Variants in KCNH1 observed in about 807,000 individuals in gnomAD.
KCNH1 encodes voltage-gated delayed rectifier potassium channel KCNH1.
KCNH1 carries 27 observed loss-of-function variants against 69.2 expected under a neutral mutation model. That is an observed-to-expected ratio of 0.39 (90% CI 0.29 to 0.54). KCNH1 has a LOEUF of 0.54. Among genes scored for constraint, KCNH1 ranks in the 20% least tolerant of loss-of-function variants. The probability of loss-of-function intolerance (pLI) is 0.68; values close to 1 mark genes in which losing one functional copy is unlikely to be tolerated. For missense variants in KCNH1, 798 were observed against 1,261.6 expected (o/e 0.63, Z 5.57); for synonymous variants, 456 against 487.7 (o/e 0.93, Z 0.86).
At chr1:211,122,220 GA>G (rs1691700565) in intron 1 of KCNH1, among the ~76,000 whole-genome samples, 1 of 151,684 alleles carries the variant, frequency 6.6e-6, no homozygotes, top group Non-Finnish European at 1.5e-5. Context: ...ACAAACATAT[GA>G]AAAAAACTCA....
At chr1:211,025,983 C>A (rs947758846) in intron 5 of KCNH1, among the ~76,000 whole-genome samples, 54 of 152,252 alleles carry the variant, frequency 3.5e-4, no homozygotes, top group African/African-American at 1.2e-3. Flanking sequence ...GCCTTTGCAG[C>A]CTCCATAACT....
At chr1:210,859,679 T>A in intron 7 of KCNH1, 1 of 1,288,158 alleles carries the variant, frequency 7.8e-7, no homozygotes, top group Non-Finnish European at 1.1e-6. Context: ...TTTAATCCAT[T>A]AAATAAAAGG....
intron 1 of KCNH1, among the ~76,000 whole-genome samples, chr1:211,128,080 G>A (rs1691813630): frequency 6.6e-6 from 1 of 152,038 alleles, no homozygotes; most frequent in Non-Finnish European, 1.5e-5. Flanking sequence ...CACAAGGTCA[G>A]GAGTTCAAGA....
chr1:210,709,342 G>A (rs1681995542), intron 10 of KCNH1, among the ~76,000 whole-genome samples: 1 of 152,164 alleles, frequency 6.6e-6, no homozygotes, highest in Non-Finnish European at 1.5e-5. Flanking sequence ...AGAAGCCAAG[G>A]AGCACTGGAT....
Position 211,116,765 on chromosome 1 carries a change from G to A in KCNH1, c.80-9388C>T, listed in dbSNP as rs1691591333. Reference sequence around the variant, plus strand: ...TCAGAACCTATAATACTTGTGACAGGCCCTGCCAGACCTGTGCTCAACTTC... The same window carrying A: ...TCAGAACCTATAATACTTGTGACAGACCCTGCCAGACCTGTGCTCAACTTC... On this transcript the variant is annotated intron_variant, in intron 1 of 10. Transcript: ENST00000271751. Among the ~76,000 whole-genome samples, 3 of 152,176 alleles carry A rather than the reference G, an allele frequency of 2.0e-5. No homozygotes were observed. The South Asian group carries it at 6.2e-4, about 31-fold the overall frequency.
At chr1:210,844,183 T>C (rs529280740) in intron 7 of KCNH1, among the ~76,000 whole-genome samples, 3 of 152,300 alleles carry the variant, frequency 2.0e-5, no homozygotes, top group African/African-American at 7.2e-5. Flanking sequence ...AGATAATGTA[T>C]ATAAAAGTTC....
At chr1:210,986,804 G>A (rs953770393) in intron 6 of KCNH1, among the ~76,000 whole-genome samples, 3 of 152,160 alleles carry the variant, frequency 2.0e-5, no homozygotes, top group Admixed American at 2.0e-4. Flanking sequence ...GGTGTTCTCT[G>A]TATTTCCTGA....
intron 10 of KCNH1, among the ~76,000 whole-genome samples, chr1:210,751,712 A>G (rs183724710): frequency 6.6e-6 from 1 of 152,178 alleles, no homozygotes; most frequent in East Asian, 1.9e-4. Flanking sequence ...TTGAAGTGCA[A>G]AGGCTGAGTG....
intron 5 of KCNH1, among the ~76,000 whole-genome samples, chr1:211,057,012 C>T (rs1690322843): frequency 6.6e-6 from 1 of 152,164 alleles, no homozygotes; most frequent in Admixed American, 6.5e-5. Context: ...TAAAATGCGA[C>T]CTCACCCAAA....
At chr1:210,779,728 G>GAAA (rs769886745) in intron 9 of KCNH1, among the ~76,000 whole-genome samples, 1 of 147,748 alleles carries the variant, frequency 6.8e-6, no homozygotes, top group Non-Finnish European at 1.5e-5. Context: ...TCTGAGCTGG[G>GAAA]AAAAAAAAAA....
intron 6 of KCNH1, among the ~76,000 whole-genome samples, chr1:210,968,466 T>C (rs1288429073): frequency 1.4e-5 from 2 of 139,618 alleles, no homozygotes; most frequent in African/African-American, 5.5e-5. Flanking sequence ...ATGGTTGAAC[T>C]AGTTTACAGT....
intron 4 of KCNH1, among the ~76,000 whole-genome samples, chr1:211,084,632 G>A (rs1264272441): frequency 1.3e-5 from 2 of 152,214 alleles, no homozygotes; most frequent in African/African-American, 4.8e-5. Flanking sequence ...CAAGGGCATG[G>A]GAAGGTGAGT....
chr1:210,970,037 T>C (rs919950033), intron 6 of KCNH1, among the ~76,000 whole-genome samples: 11 of 152,016 alleles, frequency 7.2e-5, no homozygotes, highest in Admixed American at 5.9e-4. Flanking sequence ...GCTGGGACTA[T>C]AGGCACATGC....
At chr1:211,089,689 A>G (rs1412984835) in intron 4 of KCNH1, among the ~76,000 whole-genome samples, 1 of 152,238 alleles carries the variant, frequency 6.6e-6, no homozygotes, top group Middle Eastern at 3.2e-3. Flanking sequence ...GCTACATCTC[A>G]GAAAACCACA....
intron 1 of KCNH1, among the ~76,000 whole-genome samples, chr1:211,126,116 G>A (rs1691772171): frequency 6.6e-6 from 1 of 152,332 alleles, no homozygotes; most frequent in East Asian, 1.9e-4. Context: ...TGTAATCCCA[G>A]CACTTTGGGT....
In KCNH1 at chr1:210,934,795, G is replaced by A. The variant is rs552381943; in HGVS notation, c.1033-14726C>T. On this transcript the variant is annotated intron_variant, in intron 6 of 10. Transcript: ENST00000271751. ...AAGATAAAAAATAACAATTGCTAGT[G>A]AGGATGAGACGAAAAAGGAACTCTT... is the stretch of plus-strand genomic sequence containing the variant. 4.6e-5 allele frequency among the ~76,000 whole-genome samples: 7 copies of A among 152,048 alleles called. No homozygotes were observed. In the South Asian group the frequency reaches 6.2e-4, roughly 14 times the overall value.
chr1:211,065,399 G>A (rs1690511078), intron 5 of KCNH1, among the ~76,000 whole-genome samples: 1 of 152,166 alleles, frequency 6.6e-6, no homozygotes, highest in Non-Finnish European at 1.5e-5. Context: ...GACAAATATT[G>A]CATGATCTCG....
chr1:210,977,856 T>C (rs1688642938), intron 6 of KCNH1, among the ~76,000 whole-genome samples: 1 of 152,160 alleles, frequency 6.6e-6, no homozygotes, highest in East Asian at 1.9e-4. Context: ...TGTGTAATGA[T>C]CAAATCAGGG....
chr1:211,119,046 G>A (rs1421042530), intron 1 of KCNH1, among the ~76,000 whole-genome samples: 3 of 152,148 alleles, frequency 2.0e-5, no homozygotes, highest in South Asian at 4.1e-4. Flanking sequence ...AGATTTCTAA[G>A]GATATCAGTA....
Sources: gnomAD v4.1 joint callset for allele counts (sites outside exome capture counted in the v4.1 genomes callset) on GRCh38, gnomAD v4.1.1 for gene constraint, MANE v1.5 for transcripts, NCBI Gene and HGNC (gene_info 2026-07-23, HGNC 2026-07-21) for gene names.